Variants in GREB1L observed in about 807,000 individuals in gnomAD.
The protein encoded by GREB1L is GREB1-like protein.
Under a neutral mutation model 200.8 loss-of-function variants are expected in GREB1L, and 17 were observed. That is an observed-to-expected ratio of 0.08 (90% CI 0.06 to 0.13). The LOEUF (loss-of-function observed/expected upper bound fraction) is 0.13. Among genes scored for constraint, GREB1L ranks in the 10% least tolerant of loss-of-function variants. GREB1L has a pLI of 1.00. For missense variants in GREB1L, 1,657 were observed against 2,367.7 expected (o/e 0.70, Z 6.23); for synonymous variants, 789 against 893.0 (o/e 0.88, Z 2.08).
At chr18:21,452,324 C>T (rs2034566351) in intron 14 of GREB1L, 107 bp downstream of exon 14, 2 of 1,080,740 alleles carry the variant, frequency 1.9e-6, no homozygotes, top group Non-Finnish European at 2.6e-6. Flanking sequence ...CAGACCACAA[C>T]AGCCTTTTCC....
intron 1 of GREB1L, among the ~76,000 whole-genome samples, chr18:21,308,409 C>T (rs1328081002): frequency 6.6e-6 from 1 of 152,214 alleles, no homozygotes; most frequent in African/African-American, 2.4e-5. Context: ...TTGTAATTCA[C>T]AGTCCTGGAC....
intron 14 of GREB1L, 33 bp downstream of exon 14, chr18:21,452,250 A>G: frequency 6.5e-7 from 1 of 1,546,298 alleles, no homozygotes; most frequent in Non-Finnish European, 8.7e-7. Flanking sequence ...GGAGGAAGTC[A>G]GTCCTTGGGA....
At chr18:21,482,642 A>ATTTTTTTTTTTTTTT (rs35313539) in intron 17 of GREB1L, among the ~76,000 whole-genome samples, 1 of 118,100 alleles carries the variant, frequency 8.5e-6, no homozygotes, top group African/African-American at 3.1e-5. Flanking sequence ...TAGATTACAG[A>ATTTTTTTTTTTTTTT]TTTTTTTTTT....
intron 7 of GREB1L, among the ~76,000 whole-genome samples, chr18:21,418,542 G>A (rs560624559): frequency 2.0e-5 from 3 of 151,548 alleles, no homozygotes; most frequent in South Asian, 2.1e-4. Flanking sequence ...TTTTGTTTTT[G>A]AGACAGAGTA....
At position 21,325,102 on chromosome 18, in the gene GREB1L, G is replaced by A. The variant is rs146380787; in HGVS notation, c.-119-40925G>A. Reference sequence around the variant, plus strand: ...TGATCTTTTCCTTATTTTATGTCAAGTTTAGACACAATTTTAGTTTTTGAG... The same window carrying A: ...TGATCTTTTCCTTATTTTATGTCAAATTTAGACACAATTTTAGTTTTTGAG... On this transcript the variant is annotated intron_variant, in intron 1 of 32. Transcript: ENST00000424526. Among the ~76,000 whole-genome samples, 23 of 152,254 alleles carry A rather than the reference G, an allele frequency of 1.5e-4. No individual in the cohort carries two copies. The East Asian group carries it at 3.7e-3, about 24-fold the overall frequency.
chr18:21,365,836 T>C (rs1308946165), intron 1 of GREB1L, among the ~76,000 whole-genome samples, 191 bp from the exon 2 acceptor site: 1 of 152,190 alleles, frequency 6.6e-6, no homozygotes. Flanking sequence ...TTTGAGACTA[T>C]TGAGAAAAGT....
intron 14 of GREB1L, among the ~76,000 whole-genome samples, chr18:21,453,963 G>A (rs1179586870): frequency 1.3e-5 from 2 of 152,118 alleles, no homozygotes; most frequent in Non-Finnish European, 2.9e-5. Context: ...GAACTGGGTC[G>A]GGGCTGGAGA....
intron 11 of GREB1L, among the ~76,000 whole-genome samples, chr18:21,444,810 T>C (rs1310947588): frequency 6.6e-6 from 1 of 152,234 alleles, no homozygotes; most frequent in East Asian, 1.9e-4. Context: ...TCTTAAACAA[T>C]TATTTTCCAG....
chr18:21,320,268 A>G (rs917427414), intron 1 of GREB1L, among the ~76,000 whole-genome samples: 2 of 152,182 alleles, frequency 1.3e-5, no homozygotes, highest in African/African-American at 2.4e-5. Context: ...CTAACAAGAA[A>G]AAAGGTTGCC....
chr18:21,312,547 T>TTTAC (rs2038808268), intron 1 of GREB1L, among the ~76,000 whole-genome samples: 1 of 151,352 alleles, frequency 6.6e-6, no homozygotes, highest in Non-Finnish European at 1.5e-5. Flanking sequence ...TATTTATTTA[T>TTTAC]TTATTTATTT....
rs373133981 is a variant in GREB1L, at chr18:21,371,783, C to CA, written c.-10+5664dup. On this transcript the variant is annotated intron_variant, in intron 2 of 32. Coordinates refer to ENST00000424526, the MANE Select transcript of GREB1L (RefSeq NM_001142966.3). ...TAGGAGACAGTTTGAGACTTCATCT[C>CA]AAAAAAAAAAAAAAAAAGGTGCTAC... 4.9e-3 allele frequency among the ~76,000 whole-genome samples: 382 copies of CA among 77,608 alleles called. 1 individual carries two copies. The highest frequency in any genetic ancestry group is 8.8e-3 in the Middle Eastern group (1 of 114). The allele number at this position is 77,608 out of a possible 152,430, so 50.9% of individuals were successfully genotyped here.
chr18:21,309,545 A>G (rs2038758090), intron 1 of GREB1L, among the ~76,000 whole-genome samples: 1 of 152,172 alleles, frequency 6.6e-6, no homozygotes, highest in African/African-American at 2.4e-5. Context: ...TGAGTGATCT[A>G]AGGGCCATGG....
chr18:21,497,372 G>A (rs1343317438), intron 21 of GREB1L, among the ~76,000 whole-genome samples: 1 of 152,214 alleles, frequency 6.6e-6, no homozygotes, highest in African/African-American at 2.4e-5. Context: ...TGTCGGCCGG[G>A]TGCAGTGGTC....
intron 1 of GREB1L, among the ~76,000 whole-genome samples, chr18:21,249,432 G>C (rs1346820843): frequency 6.6e-6 from 1 of 152,170 alleles, no homozygotes; most frequent in Non-Finnish European, 1.5e-5. Context: ...CAAACTGTCT[G>C]CTTACTAGTG....
intron 19 of GREB1L, among the ~76,000 whole-genome samples, chr18:21,492,953 A>T (rs569252627): frequency 2.6e-5 from 4 of 152,320 alleles, no homozygotes; most frequent in African/African-American, 9.6e-5. Context: ...CCTGTCTCTT[A>T]AAAATATATA....
chr18:21,384,831 T>G (rs1274977825), intron 4 of GREB1L, among the ~76,000 whole-genome samples: 2 of 128,786 alleles, frequency 1.6e-5, no homozygotes, highest in Non-Finnish European at 3.1e-5. Context: ...ATTAGAGATT[T>G]CATATTTACC....
At chr18:21,488,738 C>CCTCCA (rs1379132209) in intron 18 of GREB1L, among the ~76,000 whole-genome samples, 11 of 152,156 alleles carry the variant, frequency 7.2e-5, no homozygotes, top group Non-Finnish European at 4.4e-5. Context: ...CTCACTGTAA[C>CCTCCA]CTCCACCTCC....
At chr18:21,370,603 T>C (rs1031881510) in intron 2 of GREB1L, among the ~76,000 whole-genome samples, 18 of 152,204 alleles carry the variant, frequency 1.2e-4, no homozygotes, top group African/African-American at 4.3e-4. Context: ...ATCTATCCTA[T>C]AGAATTATTC....
At chr18:21,421,075 A>G (rs2032107455) in intron 7 of GREB1L, among the ~76,000 whole-genome samples, 1 of 152,230 alleles carries the variant, frequency 6.6e-6, no homozygotes, top group African/African-American at 2.4e-5. Context: ...AAAGTAATCT[A>G]TAGTGGCAGA....
Sources: gnomAD v4.1 joint callset for allele counts (sites outside exome capture counted in the v4.1 genomes callset) on GRCh38, gnomAD v4.1.1 for gene constraint, MANE v1.5 for transcripts, NCBI Gene and HGNC (gene_info 2026-07-23, HGNC 2026-07-21) for gene names.